PPP1R16B: variants seen among roughly 807,000 people sequenced by gnomAD.
PPP1R16B encodes protein phosphatase 1 regulatory subunit 16B.
Under a neutral mutation model 61.7 loss-of-function variants are expected in PPP1R16B, and 14 were observed. The ratio of observed to expected loss-of-function variants is 0.23; its 90% CI spans 0.15 to 0.35. The LOEUF is 0.35. PPP1R16B is among the 10% of genes least tolerant of loss of function. PPP1R16B has a pLI of 1.00. For synonymous variants in PPP1R16B, 266 were observed against 305.3 expected, an observed-to-expected ratio of 0.87 and a Z score of 1.34; for missense variants, 547 against 752.5, an observed-to-expected ratio of 0.73 and a Z score of 3.19.
At chr20:38,900,455 C>A in intron 4 of PPP1R16B, 126 bp from the exon 5 acceptor site, 2 of 647,758 alleles carry the variant, frequency 3.1e-6, no homozygotes, top group South Asian at 2.1e-5. Flanking sequence ...TGCTGGGGTA[C>A]ACCTTGGTGG....
intron 5 of PPP1R16B, among the ~76,000 whole-genome samples, chr20:38,900,925 C>T (rs758540810): frequency 3.3e-5 from 5 of 152,250 alleles, no homozygotes; most frequent in African/African-American, 9.6e-5. Context: ...GTCACCCACA[C>T]ACGCAGGTGG....
At chr20:38,896,056 T>C (rs1568679310) in intron 4 of PPP1R16B, among the ~76,000 whole-genome samples, 1 of 127,138 alleles carries the variant, frequency 7.9e-6, no homozygotes, top group South Asian at 2.7e-4. Context: ...TCTCCCTTCC[T>C]CCCTTCCTTT....
intron 2 of PPP1R16B, among the ~76,000 whole-genome samples, chr20:38,877,361 G>A (rs1293315565): frequency 6.6e-6 from 1 of 151,420 alleles, no homozygotes; most frequent in Non-Finnish European, 1.5e-5. Flanking sequence ...CCACGCTGGA[G>A]TGCAATGGTG....
At position 38,883,594 on chromosome 20, in the gene PPP1R16B, G is replaced by A. The variant is rs570644909; in HGVS notation, c.251-6001G>A. ...TTGCCATCTCAGTAGGGCCCTGCCTGTGTAGGGGGTGGCGGGGCACCGACT... is the reference window on the plus strand; with the variant it reads ...TTGCCATCTCAGTAGGGCCCTGCCTATGTAGGGGGTGGCGGGGCACCGACT... On this transcript the variant is annotated intron_variant, in intron 2 of 10. Coordinates refer to ENST00000299824, the MANE Select transcript of PPP1R16B (RefSeq NM_015568.4). 9.2e-5 allele frequency among the ~76,000 whole-genome samples: 14 copies of A among 152,336 alleles called. No individual in the cohort carries two copies. The East Asian group carries it at 2.7e-3, about 29-fold the overall frequency.
At chr20:38,818,809 A>G (rs2084755850) in intron 1 of PPP1R16B, among the ~76,000 whole-genome samples, 1 of 147,850 alleles carries the variant, frequency 6.8e-6, no homozygotes, top group Non-Finnish European at 1.5e-5. Flanking sequence ...TGCCCAGGCT[A>G]GAGTGCAGTG....
chr20:38,814,517 TA>T (rs2084722769), intron 1 of PPP1R16B, among the ~76,000 whole-genome samples: 1 of 152,176 alleles, frequency 6.6e-6, no homozygotes, highest in African/African-American at 2.4e-5. Context: ...TTGATATGAT[TA>T]GGCATTTAGC....
At chr20:38,817,912 C>T (rs1254379948) in intron 1 of PPP1R16B, among the ~76,000 whole-genome samples, 1 of 152,190 alleles carries the variant, frequency 6.6e-6, no homozygotes, top group East Asian at 1.9e-4. Flanking sequence ...GGCGTGGTGG[C>T]GGGCACCTGT....
At chr20:38,887,470 G>A (rs979978335) in intron 2 of PPP1R16B, among the ~76,000 whole-genome samples, 6 of 152,116 alleles carry the variant, frequency 3.9e-5, no homozygotes, top group African/African-American at 1.4e-4. Flanking sequence ...CAGAGCAATG[G>A]GGAGCCATGG....
At chr20:38,810,593 CAG>C in intron 1 of PPP1R16B, among the ~76,000 whole-genome samples, 1 of 152,210 alleles carries the variant, frequency 6.6e-6, no homozygotes, top group Non-Finnish European at 1.5e-5. Flanking sequence ...TCCTGGGACT[CAG>C]TTTCTCACCT....
At position 38,806,530 on chromosome 20, in the gene PPP1R16B, A is replaced by G. The variant is rs1188641817; in HGVS notation, c.-102+738A>G. Among the ~76,000 whole-genome samples the G allele has an allele frequency of 1.3e-5, 2 of 151,840 alleles. No homozygotes were observed. Among genetic ancestry groups the G allele is most frequent in the East Asian group, 3.9e-4 (2 of 5,114 alleles). Reference sequence around the variant, plus strand: ...CGGCTCATCGATTCCGGCCCAGAGGAGCGCCCCCGGGCGCCGAGGATGGGC... The same window carrying G: ...CGGCTCATCGATTCCGGCCCAGAGGGGCGCCCCCGGGCGCCGAGGATGGGC... On this transcript the variant is annotated intron_variant, in intron 1 of 10. Coordinates refer to ENST00000299824, the MANE Select transcript of PPP1R16B (RefSeq NM_015568.4). The surrounding 1 kb of genome is among the most constrained non-coding windows in gnomAD (Gnocchi z 4.5).
intron 2 of PPP1R16B, among the ~76,000 whole-genome samples, chr20:38,857,901 T>C (rs2085019077): frequency 6.6e-6 from 1 of 151,884 alleles, no homozygotes; most frequent in Non-Finnish European, 1.5e-5. Flanking sequence ...CACTATCTTA[T>C]CTGAGGCGGC....
chr20:38,911,900 T>C (rs1282110940), intron 10 of PPP1R16B, among the ~76,000 whole-genome samples: 2 of 152,154 alleles, frequency 1.3e-5, no homozygotes, highest in Non-Finnish European at 2.9e-5. Flanking sequence ...AAAGCTCCTA[T>C]AAACATTTTT....
intron 2 of PPP1R16B, among the ~76,000 whole-genome samples, chr20:38,848,031 T>C (rs2084946058): frequency 6.6e-6 from 1 of 152,198 alleles, no homozygotes; most frequent in Non-Finnish European, 1.5e-5. Flanking sequence ...AATAAAGTTT[T>C]ATTGGAACAC....
rs2085567551 is a variant in PPP1R16B, at chr20:38,918,937, C to G, written c.*271C>G. The stretch of plus-strand genomic sequence containing the variant: ...TGCTGTCTGATCTTGGGAGGGTGGG[C>G]TTGAGATCCCAGCTCTATTCTTGGT... On this transcript the variant is annotated 3_prime_UTR_variant, in exon 11 of 11. Transcript: ENST00000299824. This position sits in a 1 kb window ranked among gnomAD's most constrained non-coding sequence, Gnocchi z 5.3. 2.6e-6 allele frequency: 1 copy of G among 391,158 alleles called. No homozygotes were observed. The highest frequency in any genetic ancestry group is 2.0e-5 in the African/African-American group (1 of 48,928). The allele number at this position is 391,158 out of a possible 1,614,324, so 24.2% of individuals were successfully genotyped here. A position where few individuals can be genotyped will look rare whatever the true frequency, so the allele number is the denominator to read the frequency against.
intron 1 of PPP1R16B, among the ~76,000 whole-genome samples, chr20:38,822,244 T>C (rs895058414): frequency 1.3e-5 from 2 of 151,602 alleles, no homozygotes; most frequent in Non-Finnish European, 2.9e-5. Context: ...GGGGCTACTG[T>C]TCTGTGATTC....
chr20:38,817,394 C>T (rs1462507612), intron 1 of PPP1R16B, among the ~76,000 whole-genome samples: 1 of 151,908 alleles, frequency 6.6e-6, no homozygotes. Context: ...GAAACCCTGT[C>T]TCTACTAAAA....
rs73621974 is a variant in PPP1R16B at position 38,883,499 on chromosome 20, G to T, written c.251-6096G>T. ...AGATTCCAGCCAGATTGCCAGGGAG[G>T]TGTAGGCGGAGCAGCGGGGTCGGCG... On this transcript the variant is annotated intron_variant, in intron 2 of 10. Coordinates refer to ENST00000299824, the MANE Select transcript of PPP1R16B (RefSeq NM_015568.4). Among the ~76,000 whole-genome samples, 3,000 of 152,340 alleles carry T rather than the reference G, an allele frequency of 0.02. 223 individuals carry two copies. The East Asian group carries it at 0.27, about 14-fold the overall frequency.
chr20:38,895,505 A>G (rs1161393511), intron 3 of PPP1R16B, 60 bp from the exon 4 acceptor site: 16 of 1,556,556 alleles, frequency 1.0e-5, no homozygotes, highest in Non-Finnish European at 1.3e-5. Flanking sequence ...GTGTGTCCTG[A>G]CCAGGGCCCG....
chr20:38,888,388 C>A (rs967924861), intron 2 of PPP1R16B, among the ~76,000 whole-genome samples: 2 of 152,240 alleles, frequency 1.3e-5, no homozygotes, highest in South Asian at 2.1e-4. Context: ...CAAACAGCCA[C>A]CCTCTGTTCA....
Sources: gnomAD v4.1 joint callset for allele counts (sites outside exome capture counted in the v4.1 genomes callset) on GRCh38, gnomAD v4.1.1 for gene constraint, Gnocchi (gnomAD v3.1) non-coding constraint, MANE v1.5 for transcripts, NCBI Gene and HGNC (gene_info 2026-07-23, HGNC 2026-07-21) for gene names.